Variants in SAFB observed in about 807,000 individuals in gnomAD.
SAFB encodes the protein scaffold attachment factor B.
In SAFB, 15 loss-of-function variants were observed where a neutral mutation model predicts 101.6. The observed-to-expected ratio is 0.15, with a 90% CI of 0.10 to 0.23. SAFB has a LOEUF of 0.23. Among genes scored for constraint, SAFB ranks in the 10% least tolerant of loss-of-function variants. The pLI is 1.00. For missense variants in SAFB, 930 were observed against 1,104.1 expected (o/e 0.84, Z 2.23); for synonymous variants, 449 against 407.5 (o/e 1.10, Z -1.23).
intron 2 of SAFB, 120 bp downstream of exon 2, chr19:5,626,609 C>G (rs915076766): frequency 6.5e-6 from 4 of 617,954 alleles, no homozygotes; most frequent in East Asian, 5.9e-5. Context: ...GAACTGGGAG[C>G]CTTCAGCGAA....
intron 1 of SAFB, 130 bp from the exon 2 acceptor site, chr19:5,626,275 G>T: frequency 1.6e-6 from 1 of 639,658 alleles, no homozygotes; most frequent in African/African-American, 1.8e-5. Flanking sequence ...ATGGGCCACA[G>T]GTCCTGGGTG....
rs752710076 is a variant in SAFB at position 5,645,389 on chromosome 19, C to T, written c.599C>T (p.Thr200Ile). The T allele has an allele frequency of 2.2e-6, 3 of 1,364,326 alleles. No homozygotes were observed. Among genetic ancestry groups the T allele is most frequent in the South Asian group, 2.3e-5 (2 of 85,286 alleles). 84.5% of individuals were successfully genotyped at this position (1,364,326 alleles called of 1,614,324 possible). The change falls in exon 5 of 21, where the codon ACT becomes ATT. Residue 200 changes from threonine to isoleucine, a missense_variant. By Grantham distance (89) the Thr-to-Ile change is moderately conservative. This residue lies in a region of SAFB where 130 missense variants were observed against 114.2 expected (regional missense o/e 1.14). Transcript: ENST00000588852. ...NNLDTSSSDF[T>I]ILQEIEEPSL... ...TTAGATACTTCATCATCTGACTTCACTATATTACAGGTAAACTGTTGTATG... is the reference window on the plus strand; with the variant it reads ...TTAGATACTTCATCATCTGACTTCATTATATTACAGGTAAACTGTTGTATG...
At chr19:5,656,575 A>ATT (rs918418902) in intron 13 of SAFB, among the ~76,000 whole-genome samples, 2,275 of 128,344 alleles carry the variant, frequency 0.018, 47 homozygotes, top group African/African-American at 0.037. Flanking sequence ...TGCGCCAGCA[A>ATT]TTTTTTTTTT....
rs2053470631 is a variant in SAFB at position 5,630,688 on chromosome 19, A to G, written c.274+4199A>G. 2.0e-5 allele frequency among the ~76,000 whole-genome samples: 3 copies of G among 151,592 alleles called. No individual in the cohort carries two copies. The South Asian group carries it at 6.3e-4, about 32-fold the overall frequency. On this transcript the variant is annotated intron_variant, in intron 2 of 20. Coordinates refer to ENST00000588852, the MANE Select transcript of SAFB (RefSeq NM_001201338.2). ...GGAAAATCGCTTGAACCCGGGAAGC[A>G]GAGGTTGCAGTGAGCCGAGATCACG...
chr19:5,646,746 T>G (rs1206918107), intron 5 of SAFB, among the ~76,000 whole-genome samples: 3 of 152,208 alleles, frequency 2.0e-5, no homozygotes, highest in African/African-American at 7.2e-5. Flanking sequence ...TTATTGGGTA[T>G]ATGTGAATCC....
Position 5,623,316 on chromosome 19 carries a change from C to T in SAFB, c.111C>T (p.Ile37=), listed in dbSNP as rs530812286. The change falls in exon 1 of 21, where the codon ATC becomes ATT. Residue 37 remains isoleucine (I), a synonymous_variant. Transcript: ENST00000588852. ...GTRRLSDLRV[I]DLRAELRKRN... ...GGCGCCTCAGCGACCTGCGAGTGAT[C>T]GATCTGCGGGCGGAGCTGAGGAAAC... 11 of 1,614,040 alleles carry T rather than the reference C, an allele frequency of 6.8e-6. No individual in the cohort carries two copies. Among genetic ancestry groups the T allele is most frequent in the South Asian group, 2.2e-5 (2 of 91,086 alleles).
chr19:5,630,979 G>A (rs1271118046), intron 2 of SAFB, among the ~76,000 whole-genome samples: 1 of 151,800 alleles, frequency 6.6e-6, no homozygotes, highest in African/African-American at 2.4e-5. Flanking sequence ...ATCACCTGAG[G>A]TCAGGAGTTC....
In SAFB at chr19:5,661,826, G is replaced by C; in HGVS notation, c.2153+18G>C. On this transcript the variant is annotated intron_variant, in intron 15 of 20. Transcript: ENST00000588852. ...CTGGACCGGTAAGCAGATCCATGCT[G>C]CCCTTAGCACGTGGCGTTCAGAATC... The C allele has an allele frequency of 6.6e-7, 1 of 1,506,420 alleles. No homozygotes were observed. Among genetic ancestry groups the C allele is most frequent in the Non-Finnish European group, 8.9e-7 (1 of 1,120,300 alleles). The allele number at this position is 1,506,420 out of a possible 1,614,324, so 93.3% of individuals were successfully genotyped here. A position where few individuals can be genotyped will look rare whatever the true frequency, so the allele number is the denominator to read the frequency against.
intron 5 of SAFB, among the ~76,000 whole-genome samples, chr19:5,645,817 C>T (rs1262257364): frequency 6.6e-6 from 1 of 152,008 alleles, no homozygotes; most frequent in Non-Finnish European, 1.5e-5. Flanking sequence ...TTGACAGAGC[C>T]CTGTTGGGGA....
At chr19:5,660,828 C>T (rs941639546) in intron 14 of SAFB, among the ~76,000 whole-genome samples, 2 of 150,792 alleles carry the variant, frequency 1.3e-5, no homozygotes, top group African/African-American at 4.9e-5. Context: ...AATGTCCTTA[C>T]ACTTGGGGGG....
rs1486697328 is a variant in SAFB, at chr19:5,661,658, G to A, written c.2003G>A (p.Arg668Gln). Residue 668 changes from arginine to glutamine, a missense_variant, in exon 15 of 21, where the codon CGG becomes CAG. Around this residue, in one of 7 missense-constraint regions of SAFB, gnomAD observed 159 missense variants for 234.1 expected, o/e 0.68. Transcript: ENST00000588852. ...RLERERMERE[R>Q]LERERMHVEH... ...GAGCGGGAGCGCATGGAGCGGGAAC[G>A]GCTGGAGCGCGAACGCATGCACGTG... 1.2e-6 allele frequency: 2 copies of A among 1,611,878 alleles called. No individual in the cohort carries two copies. The highest frequency in any genetic ancestry group is 2.2e-5 in the East Asian group (1 of 44,850).
At chr19:5,661,994 C>T (rs1029831957) in intron 15 of SAFB, among the ~76,000 whole-genome samples, 186 bp downstream of exon 15, 3 of 151,972 alleles carry the variant, frequency 2.0e-5, no homozygotes, top group African/African-American at 7.2e-5. Context: ...ACACCATTCT[C>T]CTGCCTCAGC....
At chr19:5,636,460 A>G (rs1000548468) in intron 2 of SAFB, among the ~76,000 whole-genome samples, 21 of 152,222 alleles carry the variant, frequency 1.4e-4, no homozygotes, top group African/African-American at 5.1e-4. Context: ...ATGGTATAAA[A>G]TGGGGATGGA....
At chr19:5,662,407 T>C (rs894597969) in intron 15 of SAFB, among the ~76,000 whole-genome samples, 2 of 150,596 alleles carry the variant, frequency 1.3e-5, no homozygotes, top group African/African-American at 4.9e-5. Context: ...GGCAGGAAAA[T>C]CGCGTGTACC....
intron 2 of SAFB, among the ~76,000 whole-genome samples, chr19:5,639,842 T>G (rs2053667759): frequency 6.6e-6 from 1 of 151,420 alleles, no homozygotes; most frequent in South Asian, 2.1e-4. Context: ...TTTGTTTGTT[T>G]TGTTTTGTTT....
chr19:5,643,841 C>T (rs985317401), intron 4 of SAFB, among the ~76,000 whole-genome samples: 2 of 142,654 alleles, frequency 1.4e-5, no homozygotes, highest in Admixed American at 7.4e-5. Flanking sequence ...CCAGCCTGGG[C>T]GGCAGAGTGA....
chr19:5,666,770 C>CTGG (rs1277230573), intron 17 of SAFB: 2 of 516,168 alleles, frequency 3.9e-6, no homozygotes, highest in Non-Finnish European at 6.9e-6. Flanking sequence ...TGGGTGACTC[C>CTGG]TGGTGGCCCT....
At chr19:5,657,763 G>A (rs2054097280) in intron 14 of SAFB, among the ~76,000 whole-genome samples, 1 of 152,036 alleles carries the variant, frequency 6.6e-6, no homozygotes, top group African/African-American at 2.4e-5. Flanking sequence ...GACCTCAGGT[G>A]ATCCACCTGC....
intron 4 of SAFB, among the ~76,000 whole-genome samples, chr19:5,644,050 T>A (rs2053775688): frequency 6.6e-6 from 1 of 152,140 alleles, no homozygotes; most frequent in South Asian, 2.1e-4. Flanking sequence ...TTGTTTTGTT[T>A]TGTTTTTGTT....
Sources: gnomAD v4.1 joint callset for allele counts (sites outside exome capture counted in the v4.1 genomes callset) on GRCh38, gnomAD v4.1.1 for gene constraint, gnomAD v4.1.1 regional missense constraint, MANE v1.5 for transcripts, NCBI Gene and HGNC (gene_info 2026-07-23, HGNC 2026-07-21) for gene names.